The following RFX7 variants were observed in gnomAD, a reference collection of about 807,000 sequenced individuals.
The protein encoded by RFX7 is DNA-binding protein RFX7.
Under a neutral mutation model 111.8 loss-of-function variants are expected in RFX7, and 26 were observed. The ratio of observed to expected loss-of-function variants is 0.23; its 90% CI spans 0.17 to 0.32. The LOEUF (loss-of-function observed/expected upper bound fraction) is 0.32, where lower values mean the gene tolerates loss of function less well. RFX7 is among the 10% of genes least tolerant of loss of function. The pLI, the probability that RFX7 is intolerant of heterozygous loss-of-function variation, is 1.00. For synonymous variants in RFX7, 624 were observed against 624.4 expected (o/e 1.00, Z 0.01); for missense variants, 1,573 against 1,772.9 (o/e 0.89, Z 2.02).
chr15:56,201,552 G>A (rs2043193020), intron 2 of RFX7, among the ~76,000 whole-genome samples: 2 of 152,138 alleles, frequency 1.3e-5, no homozygotes, highest in Non-Finnish European at 2.9e-5. Flanking sequence ...TTTAAAGATA[G>A]AAGAGTTATT....
intron 3 of RFX7, among the ~76,000 whole-genome samples, chr15:56,174,570 A>G (rs1258520082): frequency 1.3e-5 from 2 of 152,062 alleles, no homozygotes; most frequent in Non-Finnish European, 2.9e-5. Context: ...AACATGGTGA[A>G]ACCCTGTCTC....
chr15:56,222,529 T>C (rs1463836101), intron 2 of RFX7, among the ~76,000 whole-genome samples: 1 of 152,194 alleles, frequency 6.6e-6, no homozygotes, highest in Non-Finnish European at 1.5e-5. Flanking sequence ...TTCATTTCTT[T>C]TTCCTCTCCT....
intron 2 of RFX7, among the ~76,000 whole-genome samples, chr15:56,184,063 C>T (rs1344590776): frequency 6.6e-6 from 1 of 151,674 alleles, no homozygotes; most frequent in East Asian, 1.9e-4. Flanking sequence ...TTTTGTTGCC[C>T]AGGCTGGAAT....
intron 2 of RFX7, among the ~76,000 whole-genome samples, chr15:56,211,651 T>G (rs1472939661): frequency 6.6e-6 from 1 of 151,986 alleles, no homozygotes; most frequent in Non-Finnish European, 1.5e-5. Flanking sequence ...AAAAGACACA[T>G]CAGATAAAAG....
intron 5 of RFX7, among the ~76,000 whole-genome samples, chr15:56,129,995 T>C (rs1429062070): frequency 6.6e-6 from 1 of 152,154 alleles, no homozygotes; most frequent in Non-Finnish European, 1.5e-5. Flanking sequence ...TGTACTTGCA[T>C]TTGCCTAAAA....
At chr15:56,149,171 C>T (rs1277656592) in intron 3 of RFX7, among the ~76,000 whole-genome samples, 3 of 151,882 alleles carry the variant, frequency 2.0e-5, no homozygotes, top group Admixed American at 6.6e-5. Flanking sequence ...ACTGGTGAAG[C>T]TATAACATGT....
In RFX7 at chr15:56,093,748, T is replaced by C. The variant is rs1025678798; in HGVS notation, c.3980A>G (p.Asn1327Ser). The C allele has an allele frequency of 2.0e-5, 32 of 1,613,878 alleles. No homozygotes were observed. Among genetic ancestry groups the C allele is most frequent in the Middle Eastern group, 1.7e-4 (1 of 6,060 alleles). ...TGCTTGATTATCTCCAGGAGAAAAA[T>C]TGATCTGACCGGTGCTATTACTTTT... ...LTKSNSTGQI[N>S]FSPGDNQAQS... The change falls in exon 10 of 10, where the codon AAT becomes AGT. Residue 1327 changes from asparagine to serine, a missense_variant. This residue lies in a region of RFX7 where 411 missense variants were observed against 478.1 expected (regional missense o/e 0.86). Transcript: ENST00000559447.
chr15:56,094,504 G>A lies in RFX7; in HGVS notation c.3224C>T (p.Ser1075Leu). Residue 1075 changes from serine (S) to leucine (L), a missense_variant, in exon 10 of 10, where the codon TCA (serine) becomes TTA (leucine). Coordinates refer to ENST00000559447, the MANE Select transcript of RFX7 (RefSeq NM_022841.7). ...MNNGYSGVGN[S>L]SVSGHGILPS... The stretch of plus-strand genomic sequence containing the variant: ...GAGAATACCATGGCCAGAAACTGAT[G>A]AATTACCAACCCCACTATACCCATT... 8 of 1,613,920 alleles carry A rather than the reference G, an allele frequency of 5.0e-6. No individual in the cohort carries two copies. The highest frequency in any genetic ancestry group is 6.8e-6 in the Non-Finnish European group (8 of 1,179,872).
chr15:56,104,942 T>C (rs552891294), intron 5 of RFX7, among the ~76,000 whole-genome samples: 5 of 152,162 alleles, frequency 3.3e-5, no homozygotes, highest in Non-Finnish European at 7.3e-5. Flanking sequence ...ATTTGATACT[T>C]TGAGGGCTCA....
In RFX7 at chr15:56,243,643, G is replaced by C. The variant is rs866757123; in HGVS notation, c.-201C>G. On this transcript the variant is annotated 5_prime_UTR_variant, in exon 1 of 10. Transcript: ENST00000559447. Reference sequence around the variant, plus strand: ...ATGGGGGCGTTTGAAGACGAAGTGGGGGGGGCAGGCTCCCCCCAAAATCCA... The same window carrying C: ...ATGGGGGCGTTTGAAGACGAAGTGGCGGGGGCAGGCTCCCCCCAAAATCCA... 2.4e-4 allele frequency: 38 copies of C among 160,998 alleles called. 1 individual carries two copies. In the East Asian group the frequency reaches 4.7e-3, roughly 20 times the overall value. The allele number at this position is 160,998 out of a possible 1,614,324, so 10.0% of individuals were successfully genotyped here.
chr15:56,155,033 C>G lies in RFX7; in HGVS notation c.196-10550G>C, dbSNP rs375165517. Among the ~76,000 whole-genome samples the G allele has an allele frequency of 1.3e-5, 2 of 152,302 alleles. 1 individual carries two copies. On this transcript the variant is annotated intron_variant, in intron 3 of 9. Coordinates refer to ENST00000559447, the MANE Select transcript of RFX7 (RefSeq NM_022841.7). ...CAACAGACATAGGAAAAATGCTCATCATCACTGGTCACTAGAGAAATGAAA... is the reference window on the plus strand; with the variant it reads ...CAACAGACATAGGAAAAATGCTCATGATCACTGGTCACTAGAGAAATGAAA...
intron 5 of RFX7, among the ~76,000 whole-genome samples, chr15:56,135,382 T>G (rs1359335757): frequency 2.6e-5 from 4 of 152,256 alleles, no homozygotes; most frequent in Non-Finnish European, 4.4e-5. Flanking sequence ...TGAGCATTTC[T>G]TCATGTGTTT....
chr15:56,179,663 T>C (rs1227625199), intron 2 of RFX7, among the ~76,000 whole-genome samples: 1 of 151,980 alleles, frequency 6.6e-6, no homozygotes, highest in Non-Finnish European at 1.5e-5. Flanking sequence ...CTCTGGACAA[T>C]AATTTGCTTA....
At chr15:56,120,089 G>A (rs1445655272) in intron 5 of RFX7, among the ~76,000 whole-genome samples, 1 of 152,110 alleles carries the variant, frequency 6.6e-6, no homozygotes, top group Non-Finnish European at 1.5e-5. Flanking sequence ...TCTGTAGATT[G>A]CTTTGGGTAG....
chr15:56,095,314 A>T lies in RFX7; in HGVS notation c.2414T>A (p.Met805Lys). 6.2e-7 allele frequency: 1 copy of T among 1,613,996 alleles called. No individual in the cohort carries two copies. The highest frequency in any genetic ancestry group is 8.5e-7 in the Non-Finnish European group (1 of 1,179,872). ...SCEQQQDISV[M>K]TIPEHSDIND... ...GATATCAGAGTGCTCAGGAATTGTC[A>T]TAACACTGATATCTTGCTGTTGTTC... The change falls in exon 10 of 10, where the codon ATG becomes AAG. Residue 805 changes from methionine to lysine, a missense_variant. Met to Lys is a moderately conservative substitution (Grantham distance 95). Coordinates refer to ENST00000559447, the MANE Select transcript of RFX7 (RefSeq NM_022841.7).
At chr15:56,195,613 C>A (rs16976801) in intron 2 of RFX7, among the ~76,000 whole-genome samples, 19,784 of 152,042 alleles carry the variant, frequency 0.13, 1,677 homozygotes, top group East Asian at 0.43. Flanking sequence ...ACCAAAGACC[C>A]GTGTTTCTCA....
intron 5 of RFX7, among the ~76,000 whole-genome samples, chr15:56,121,052 G>T (rs2042072220): frequency 6.6e-6 from 1 of 152,072 alleles, no homozygotes; most frequent in Non-Finnish European, 1.5e-5. Flanking sequence ...AATAGTCTGT[G>T]TTTTTTTCTG....
chr15:56,235,240 C>T (rs1460518260), intron 2 of RFX7, among the ~76,000 whole-genome samples: 1 of 151,692 alleles, frequency 6.6e-6, no homozygotes, highest in Non-Finnish European at 1.5e-5. Flanking sequence ...GTGGCGTGAT[C>T]TTGGCTCACT....
At position 56,094,607 on chromosome 15, in the gene RFX7, C is replaced by T. The variant is rs1595918438; in HGVS notation, c.3121G>A (p.Val1041Ile). ...ATCGGTTTCACAGGACTACTTGAGA[C>T]AATGCTGGCGTCATGATATGCCATA... is the stretch of plus-strand genomic sequence containing the variant. ...SSMAYHDASI[V>I]SSSPVKPMQR... is the part of the protein sequence containing the mutation. The change falls in exon 10 of 10, where the codon GTC becomes ATC. Residue 1041 changes from valine to isoleucine, a missense_variant. Physicochemically the swap from Val to Ile is conservative, Grantham distance 29. Transcript: ENST00000559447. 2.5e-6 allele frequency: 4 copies of T among 1,613,802 alleles called. No individual in the cohort carries two copies. In the Admixed American group the frequency reaches 5.0e-5, roughly 20 times the overall value.
Sources: allele counts gnomAD v4.1 joint callset (sites outside exome capture counted in the v4.1 genomes callset), GRCh38; gene constraint gnomAD v4.1.1; regional missense constraint gnomAD v4.1.1; transcripts MANE v1.5; gene names NCBI Gene and HGNC (gene_info 2026-07-23, HGNC 2026-07-21).